SLC13A3: variants seen among roughly 807,000 people sequenced by gnomAD.
The protein encoded by SLC13A3 is solute carrier family 13 member 3.
In SLC13A3, 40 loss-of-function variants were observed where a neutral mutation model predicts 59.0. The ratio of observed to expected loss-of-function variants is 0.68; its 90% CI spans 0.53 to 0.88. SLC13A3 has a LOEUF of 0.88. SLC13A3 is among the 40% of genes least tolerant of loss of function. The pLI, the probability that SLC13A3 is intolerant of heterozygous loss-of-function variation, is 0.00. For synonymous variants in SLC13A3, 317 were observed against 330.3 expected (o/e 0.96, Z 0.44); for missense variants, 699 against 783.2 (o/e 0.89, Z 1.28).
chr20:46,605,239 A>G (rs375967564), intron 3 of SLC13A3, among the ~76,000 whole-genome samples: 8 of 152,212 alleles, frequency 5.3e-5, no homozygotes, highest in African/African-American at 1.9e-4. Flanking sequence ...AGTTAATATC[A>G]GGCATTATTT....
chr20:46,598,907 G>A (rs1220134874), intron 4 of SLC13A3, among the ~76,000 whole-genome samples: 1 of 151,712 alleles, frequency 6.6e-6, no homozygotes, highest in East Asian at 2.0e-4. Context: ...CAGGAGCTTT[G>A]CACGTGCTGG....
intron 1 of SLC13A3, among the ~76,000 whole-genome samples, chr20:46,627,711 G>C (rs1465951173): frequency 6.6e-6 from 1 of 152,126 alleles, no homozygotes; most frequent in Non-Finnish European, 1.5e-5. Flanking sequence ...TTGGTAGAAG[G>C]ATGGACCCCT....
chr20:46,577,710 C>T (rs1032560835), intron 9 of SLC13A3, among the ~76,000 whole-genome samples: 1 of 152,224 alleles, frequency 6.6e-6, no homozygotes, highest in African/African-American at 2.4e-5. Context: ...CAATCTCTGA[C>T]TATGTGGATT....
At chr20:46,620,501 T>G (rs1468333920) in intron 1 of SLC13A3, among the ~76,000 whole-genome samples, 1 of 152,050 alleles carries the variant, frequency 6.6e-6, no homozygotes, top group African/African-American at 2.4e-5. Context: ...AATATCAAAT[T>G]GATGATGAAG....
upstream of SLC13A3, among the ~76,000 whole-genome samples, chr20:46,673,176 G>GT (rs755716946): frequency 3.9e-5 from 6 of 152,184 alleles, no homozygotes; most frequent in Admixed American, 2.0e-4. Context: ...GAAAAGCCAG[G>GT]TGCTGTTCTA....
intron 10 of SLC13A3, 189 bp from the exon 11 acceptor site, chr20:46,566,579 CCT>C: frequency 7.2e-6 from 4 of 552,634 alleles, no homozygotes; most frequent in Non-Finnish European, 1.2e-5. Flanking sequence ...GAGCCAGCAG[CCT>C]CTCTACTTCT....
At chr20:46,569,221 G>T (rs1600497873) in intron 10 of SLC13A3, among the ~76,000 whole-genome samples, 1 of 152,052 alleles carries the variant, frequency 6.6e-6, no homozygotes, top group Non-Finnish European at 1.5e-5. Context: ...GAACCTCTGG[G>T]CTTAAGCGAT....
upstream of SLC13A3, among the ~76,000 whole-genome samples, chr20:46,671,494 G>C (rs79624320): frequency 6.6e-6 from 1 of 151,932 alleles, no homozygotes; most frequent in Non-Finnish European, 1.5e-5. Context: ...TTGAATGTTA[G>C]AGTATATGTC....
In SLC13A3 at chr20:46,589,143, C is replaced by T. The variant is rs2062226411; in HGVS notation, c.1016+17G>A. On this transcript the variant is annotated intron_variant, in intron 7 of 12. Coordinates refer to ENST00000279027, the MANE Select transcript of SLC13A3 (RefSeq NM_022829.6). ...TTAATACTCAGCTCTTTCCTTAACC[C>T]AAGGGCCCCCACATACTTGATGGGC... The T allele has an allele frequency of 6.2e-7, 1 of 1,610,636 alleles. No homozygotes were observed. The highest frequency in any genetic ancestry group is 8.5e-7 in the Non-Finnish European group (1 of 1,177,048).
chr20:46,587,074 C>T (rs925947875), intron 8 of SLC13A3, among the ~76,000 whole-genome samples: 9 of 152,178 alleles, frequency 5.9e-5, no homozygotes, highest in African/African-American at 2.2e-4. Context: ...AAATGGCGGG[C>T]CAGATTTGGC....
intron 8 of SLC13A3, chr20:46,585,413 C>A (rs12625158): frequency 1.0e-6 from 1 of 992,048 alleles, no homozygotes; most frequent in African/African-American, 1.7e-5. Flanking sequence ...AAATTCAATA[C>A]AAAATTAAAA....
At chr20:46,604,675 G>A (rs2062419139) in intron 3 of SLC13A3, among the ~76,000 whole-genome samples, 1 of 152,120 alleles carries the variant, frequency 6.6e-6, no homozygotes, top group African/African-American at 2.4e-5. Context: ...AGCTGGCCCT[G>A]TTGACCCCCT....
At chr20:46,661,202 G>C (rs760415123) in intron 1 of SLC13A3, among the ~76,000 whole-genome samples, 5 of 152,064 alleles carry the variant, frequency 3.3e-5, no homozygotes, top group Non-Finnish European at 7.4e-5. Context: ...TGACATTTTT[G>C]TAAGAAAGAA....
chr20:46,621,261 G>A (rs1386943391), intron 1 of SLC13A3, among the ~76,000 whole-genome samples: 1 of 145,526 alleles, frequency 6.9e-6, no homozygotes, highest in Admixed American at 6.9e-5. Flanking sequence ...GGACAGTTTT[G>A]TGAGAGTTTT....
rs1470379360 is a variant in SLC13A3, at chr20:46,683,877, G to A, written c.-31+519C>T. The stretch of plus-strand genomic sequence containing the variant: ...CCTGGCTACTGTTTTTACTGGACCA[G>A]CTGGTTTCGGTCGCCTTTTCACTTC... On this transcript the variant is annotated intron_variant, in intron 1 of 6. Transcript: ENST00000372121. Among the ~76,000 whole-genome samples the A allele has an allele frequency of 2.6e-5, 4 of 152,158 alleles. No individual in the cohort carries two copies. The South Asian group carries it at 6.2e-4, about 24-fold the overall frequency.
At position 46,643,987 on chromosome 20, in the gene SLC13A3, G is replaced by A. The variant is rs151122009; in HGVS notation, c.111+7324C>T. Among the ~76,000 whole-genome samples the A allele has an allele frequency of 8.4e-4, 128 of 152,152 alleles. 1 individual carries two copies. The highest frequency in any genetic ancestry group is 2.7e-3 in the African/African-American group (114 of 41,476). On this transcript the variant is annotated intron_variant, in intron 1 of 12. Transcript: ENST00000279027. Reference sequence around the variant, plus strand: ...CAGGAGGCAGAAGTTGTAGTGAGCCGGGATCATGCCACTGCACACCAGCCT... The same window carrying A: ...CAGGAGGCAGAAGTTGTAGTGAGCCAGGATCATGCCACTGCACACCAGCCT...
rs2062226667 is a variant in SLC13A3, at chr20:46,589,154, A to T, written c.1016+6T>A. On this transcript the variant is annotated splice_donor_region_variant and intron_variant, in intron 7 of 12. Transcript: ENST00000279027. ...CTCTTTCCTTAACCCAAGGGCCCCC[A>T]CATACTTGATGGGCCCCAGGTTCTG... 1 of 1,612,316 alleles carries T rather than the reference A, an allele frequency of 6.2e-7. No homozygotes were observed. The highest frequency in any genetic ancestry group is 1.1e-5 in the South Asian group (1 of 91,040).
chr20:46,661,315 G>A (rs148471663), intron 1 of SLC13A3, among the ~76,000 whole-genome samples: 2 of 152,284 alleles, frequency 1.3e-5, no homozygotes, highest in East Asian at 3.9e-4. Context: ...CCTGCAGTAT[G>A]GAGTTAATCG....
intron 1 of SLC13A3, among the ~76,000 whole-genome samples, chr20:46,616,265 A>T (rs902892533): frequency 1.3e-5 from 2 of 152,224 alleles, no homozygotes; most frequent in Non-Finnish European, 2.9e-5. Flanking sequence ...GTTGAATCTC[A>T]GTATATAAAA....
Sources: gnomAD v4.1 joint callset for allele counts (sites outside exome capture counted in the v4.1 genomes callset) on GRCh38, gnomAD v4.1.1 for gene constraint, MANE v1.5 for transcripts, NCBI Gene and HGNC (gene_info 2026-07-23, HGNC 2026-07-21) for gene names.